Variants in POC1A observed in about 807,000 individuals in gnomAD.
POC1A encodes POC1 centriolar protein A.
POC1A carries 34 observed loss-of-function variants against 47.8 expected under a neutral mutation model. That is an observed-to-expected ratio of 0.71 (90% CI 0.54 to 0.95). The LOEUF (loss-of-function observed/expected upper bound fraction) is 0.95, where lower values mean the gene tolerates loss of function less well. POC1A is among the 40% of genes least tolerant of loss of function. The pLI is 0.00. For synonymous variants in POC1A, 177 were observed against 207.6 expected, an observed-to-expected ratio of 0.85 and a Z score of 1.27; for missense variants, 466 against 528.3, an observed-to-expected ratio of 0.88 and a Z score of 1.16.
At chr3:52,118,195 A>G (rs1277318950) in intron 9 of POC1A, among the ~76,000 whole-genome samples, 4 of 152,184 alleles carry the variant, frequency 2.6e-5, no homozygotes, top group Non-Finnish European at 4.4e-5. Flanking sequence ...GCATGTCACA[A>G]GGCTGAACAT....
At chr3:52,122,617 A>G (rs1004008952) in intron 8 of POC1A, 140 bp from the exon 9 acceptor site, 5 of 640,704 alleles carry the variant, frequency 7.8e-6, no homozygotes, top group East Asian at 5.5e-5. Flanking sequence ...CCCCAACTCA[A>G]TTCCGGGACC....
At chr3:52,128,157 AG>A (rs1704079406) in intron 7 of POC1A, among the ~76,000 whole-genome samples, 1 of 152,238 alleles carries the variant, frequency 6.6e-6, no homozygotes, top group Non-Finnish European at 1.5e-5. Flanking sequence ...TTGCCTGCCC[AG>A]AGCTCACTGA....
chr3:52,091,400 C>T (rs968433471), intron 10 of POC1A, among the ~76,000 whole-genome samples: 1 of 152,228 alleles, frequency 6.6e-6, no homozygotes, highest in Non-Finnish European at 1.5e-5. Context: ...AAAAGCATTA[C>T]AATATCTACA....
rs1290830868 is a variant in POC1A at position 52,111,659 on chromosome 3, A to T, written c.981+10720T>A. ...TAGACTCTGTCTCAAAATTAAAAAAAAAAAAAAAAAAAAAAAAGAGGCTCT... is the reference window on the plus strand; with the variant it reads ...TAGACTCTGTCTCAAAATTAAAAAATAAAAAAAAAAAAAAAAAGAGGCTCT... On this transcript the variant is annotated intron_variant, in intron 9 of 10. Coordinates refer to ENST00000296484, the MANE Select transcript of POC1A (RefSeq NM_015426.5). Among the ~76,000 whole-genome samples, 3 of 146,892 alleles carry T rather than the reference A, an allele frequency of 2.0e-5. 1 individual carries two copies. The highest frequency in any genetic ancestry group is 1.9e-4 in the East Asian group (1 of 5,164).
chr3:52,147,258 C>T (rs1165919308), intron 4 of POC1A, among the ~76,000 whole-genome samples, 163 bp from the exon 5 acceptor site: 1 of 151,738 alleles, frequency 6.6e-6, no homozygotes, highest in Non-Finnish European at 1.5e-5. Context: ...ATTTGAATAC[C>T]CTAATTTGTC....
chr3:52,112,225 T>C (rs1703411312), intron 9 of POC1A, among the ~76,000 whole-genome samples: 1 of 152,188 alleles, frequency 6.6e-6, no homozygotes, highest in Non-Finnish European at 1.5e-5. Flanking sequence ...GCAATCATAG[T>C]TCACTGCAGC....
rs763717291 is a variant in POC1A at position 52,122,441 on chromosome 3, G to T, written c.919C>A (p.His307Asn). The change falls in exon 9 of 11, where the codon CAT (histidine) becomes AAT (asparagine). Residue 307 changes from histidine to asparagine, a missense_variant. Transcript: ENST00000296484. ...VWKSNFDIVD[H>N]GEVTKVPRPP... ...CTCGGCACTTTCGTGACTTCTCCAT[G>T]ATCAACAATATCAAAGTTACTCTTC... 6.2e-7 allele frequency: 1 copy of T among 1,612,536 alleles called. No homozygotes were observed. Among genetic ancestry groups the T allele is most frequent in the Non-Finnish European group, 8.5e-7 (1 of 1,178,542 alleles).
intron 10 of POC1A, among the ~76,000 whole-genome samples, chr3:52,094,087 G>A (rs1330495036): frequency 6.6e-6 from 1 of 152,198 alleles, no homozygotes; most frequent in Non-Finnish European, 1.5e-5. Flanking sequence ...ACTTCCCTGT[G>A]GGGGAGGGAA....
intron 9 of POC1A, among the ~76,000 whole-genome samples, chr3:52,103,018 A>C (rs1179405853): frequency 1.3e-5 from 2 of 152,272 alleles, no homozygotes; most frequent in African/African-American, 4.8e-5. Flanking sequence ...AGACACGTAC[A>C]TTAATGGAAC....
rs929675569 is a variant in POC1A at position 52,151,078 on chromosome 3, T to C, written c.41A>G (p.His14Arg). ...AACTGCATCTCGGTGGCCCTTAAAA[T>C]GCCTTTCCAGCGAGGGGTCCTCCTG... ...PCAEDPSLER[H>R]FKGHRDAVTC... Residue 14 changes from histidine (H) to arginine (R), a missense_variant, in exon 2 of 11, where the codon CAT (histidine) becomes CGT (arginine). Coordinates refer to ENST00000296484, the MANE Select transcript of POC1A (RefSeq NM_015426.5). The C allele has an allele frequency of 1.9e-5, 31 of 1,610,508 alleles. No individual in the cohort carries two copies. Among genetic ancestry groups the C allele is most frequent in the Non-Finnish European group, 2.6e-5 (31 of 1,178,512 alleles).
chr3:52,076,932 A>G (rs898939145), intron 10 of POC1A, among the ~76,000 whole-genome samples: 1 of 152,256 alleles, frequency 6.6e-6, no homozygotes, highest in African/African-American at 2.4e-5. Context: ...AGGCTGGGAA[A>G]AGCTGCCCTC....
At chr3:52,154,198 C>T (rs1022043520) in intron 1 of POC1A, among the ~76,000 whole-genome samples, 157 bp downstream of exon 1, 1 of 152,254 alleles carries the variant, frequency 6.6e-6, no homozygotes, top group South Asian at 2.1e-4. Context: ...AGTGCCCGAC[C>T]CAGCGCCCCC....
chr3:52,095,217 C>T (rs1000780076), intron 10 of POC1A, among the ~76,000 whole-genome samples: 3 of 152,200 alleles, frequency 2.0e-5, no homozygotes, highest in Non-Finnish European at 4.4e-5. Flanking sequence ...TCTCTCTCAG[C>T]ACATGCCTTC....
intron 6 of POC1A, among the ~76,000 whole-genome samples, chr3:52,139,740 G>A (rs1698121605): frequency 6.6e-6 from 1 of 152,224 alleles, no homozygotes; most frequent in Admixed American, 6.5e-5. Context: ...GACTCAGAAA[G>A]TGGTTGGTGA....
In POC1A at chr3:52,080,865, C is replaced by G. The variant is rs115390961; in HGVS notation, c.1126-4880G>C. 6.9e-3 allele frequency among the ~76,000 whole-genome samples: 1,057 copies of G among 152,324 alleles called. 15 individuals carry two copies. Among genetic ancestry groups the G allele is most frequent in the African/African-American group, 0.024 (1,007 of 41,564 alleles). ...CCTCTCTCTCCCTAAATCGGAGTGACAGGAAGCCGGATTGAGGACCCTATG... is the reference window on the plus strand; with the variant it reads ...CCTCTCTCTCCCTAAATCGGAGTGAGAGGAAGCCGGATTGAGGACCCTATG... On this transcript the variant is annotated intron_variant, in intron 10 of 10. Coordinates refer to ENST00000296484, the MANE Select transcript of POC1A (RefSeq NM_015426.5).
rs552413525 is a variant in POC1A at position 52,142,751 on chromosome 3, C to T, written c.679+3095G>A. 3.7e-4 allele frequency among the ~76,000 whole-genome samples: 57 copies of T among 152,276 alleles called. 1 individual carries two copies. In the South Asian group the frequency reaches 8.5e-3, roughly 23 times the overall value. On this transcript the variant is annotated intron_variant, in intron 6 of 10. Coordinates refer to ENST00000296484, the MANE Select transcript of POC1A (RefSeq NM_015426.5). ...CAGGGACAGAAAGCGGATCAGGCAT[C>T]TGTTGCCAGAGTACTGGGAGCCCTT...
intron 10 of POC1A, among the ~76,000 whole-genome samples, chr3:52,091,250 C>A (rs1472073266): frequency 6.6e-6 from 1 of 151,946 alleles, no homozygotes; most frequent in Non-Finnish European, 1.5e-5. Context: ...CTCAGTGGGG[C>A]GGGGAGCTCG....
intron 7 of POC1A, 122 bp downstream of exon 7, chr3:52,138,047 G>A (rs968350171): frequency 1.4e-5 from 14 of 1,036,398 alleles, no homozygotes; most frequent in African/African-American, 3.2e-5. Context: ...ACATGGAAAT[G>A]CCTCCATCCA....
intron 9 of POC1A, among the ~76,000 whole-genome samples, chr3:52,101,459 G>A (rs1170443238): frequency 1.3e-5 from 2 of 152,140 alleles, no homozygotes; most frequent in Non-Finnish European, 2.9e-5. Flanking sequence ...TGACCTAGAT[G>A]TTGAAACTAT....
Sources: allele counts gnomAD v4.1 joint callset (sites outside exome capture counted in the v4.1 genomes callset), GRCh38; gene constraint gnomAD v4.1.1; transcripts MANE v1.5; gene names NCBI Gene and HGNC (gene_info 2026-07-23, HGNC 2026-07-21).